The following PLCB1 variants were observed in gnomAD, a reference collection of about 807,000 sequenced individuals.
The protein encoded by PLCB1 is phospholipase C beta 1.
In PLCB1, 46 loss-of-function variants were observed where a neutral mutation model predicts 161.8. That is an observed-to-expected ratio of 0.28 (90% CI 0.22 to 0.36). PLCB1 has a LOEUF of 0.36. Ranked by LOEUF, PLCB1 falls within the 10% of genes least tolerant of loss-of-function variation. The probability of loss-of-function intolerance (pLI) is 1.00; values close to 1 mark genes in which losing one functional copy is unlikely to be tolerated. For synonymous variants in PLCB1, 517 were observed against 503.7 expected, an observed-to-expected ratio of 1.03 and a Z score of -0.35; for missense variants, 1,016 against 1,472.5, an observed-to-expected ratio of 0.69 and a Z score of 5.07.
In PLCB1 at chr20:8,632,044, T is replaced by TG. The variant is rs1555778240; in HGVS notation, c.384+3613_384+3614insG. Among the ~76,000 whole-genome samples the TG allele has an allele frequency of 1.7e-3, 125 of 74,254 alleles. 1 individual carries two copies. Among genetic ancestry groups the TG allele is most frequent in the Non-Finnish European group, 3.0e-3 (97 of 32,172 alleles). 48.7% of individuals were successfully genotyped at this position (74,254 alleles called of 152,430 possible). ...ATATGGGTTTTTTTTGCTTTTTTTT[T>TG]TTTTTTTTTTTTTTTTTTTTTTTGC... On this transcript the variant is annotated intron_variant, in intron 4 of 31. Transcript: ENST00000338037.
At chr20:8,355,795 G>A (rs1986345744) in intron 2 of PLCB1, among the ~76,000 whole-genome samples, 2 of 152,020 alleles carry the variant, frequency 1.3e-5, no homozygotes, top group African/African-American at 2.4e-5. Context: ...AGTATAATGG[G>A]GGCACTTAAC....
chr20:8,277,238 G>A (rs1359483423), intron 2 of PLCB1, among the ~76,000 whole-genome samples: 1 of 151,666 alleles, frequency 6.6e-6, no homozygotes, highest in Non-Finnish European at 1.5e-5. Context: ...TTGCACACAT[G>A]AAAATTATAT....
rs115119548 is a variant in PLCB1 at position 8,715,454 on chromosome 20, A to C, written c.1251-810A>C. 4.6e-3 allele frequency among the ~76,000 whole-genome samples: 694 copies of C among 152,174 alleles called. 6 individuals are homozygous for C. The highest frequency in any genetic ancestry group is 0.016 in the African/African-American group (646 of 41,506). ...CATTACTTCATTTCATCTTCTCAGCACCCTCTGTCCCTTTCCAAGAACGGT... is the reference window on the plus strand; with the variant it reads ...CATTACTTCATTTCATCTTCTCAGCCCCCTCTGTCCCTTTCCAAGAACGGT... On this transcript the variant is annotated intron_variant, in intron 12 of 31. Transcript: ENST00000338037.
At chr20:8,326,853 C>T (rs375226200) in intron 2 of PLCB1, among the ~76,000 whole-genome samples, 1 of 152,120 alleles carries the variant, frequency 6.6e-6, no homozygotes, top group East Asian at 1.9e-4. Flanking sequence ...GCTTTCACAG[C>T]GTCCAAATAA....
chr20:8,467,746 T>C (rs936396909), intron 3 of PLCB1, among the ~76,000 whole-genome samples: 13 of 152,134 alleles, frequency 8.5e-5, no homozygotes, highest in Admixed American at 2.6e-4. Flanking sequence ...TTCATCATCT[T>C]GGTTTTGGAT....
Position 8,390,034 on chromosome 20 carries a change from C to G in PLCB1, c.246+18584C>G, listed in dbSNP as rs139738350. 1.3e-3 allele frequency among the ~76,000 whole-genome samples: 201 copies of G among 152,190 alleles called. 1 individual carries two copies. Among genetic ancestry groups the G allele is most frequent in the African/African-American group, 4.7e-3 (194 of 41,518 alleles). On this transcript the variant is annotated intron_variant, in intron 3 of 31. Coordinates refer to ENST00000338037, the MANE Select transcript of PLCB1 (RefSeq NM_015192.4). The stretch of plus-strand genomic sequence containing the variant: ...CTACAAAATATGCTTGTCAAAAGGA[C>G]CACTTTTCAGTCAAGTTTTCCTTAA...
chr20:8,805,860 C>T (rs1984512318), intron 31 of PLCB1, among the ~76,000 whole-genome samples: 1 of 152,140 alleles, frequency 6.6e-6, no homozygotes, highest in African/African-American at 2.4e-5. Flanking sequence ...GGGTACAACA[C>T]CTGTGCCTCA....
chr20:8,376,749 A>G (rs1373765525), intron 3 of PLCB1, among the ~76,000 whole-genome samples: 1 of 152,054 alleles, frequency 6.6e-6, no homozygotes, highest in Non-Finnish European at 1.5e-5. Context: ...TAACACAGTG[A>G]AACCCCGTCT....
intron 2 of PLCB1, among the ~76,000 whole-genome samples, chr20:8,363,668 T>C (rs1184266210): frequency 6.6e-6 from 1 of 151,980 alleles, no homozygotes; most frequent in African/African-American, 2.4e-5. Context: ...CAGCTGCAGG[T>C]CCCTCTCACA....
chr20:8,555,927 T>G (rs1256308209), intron 3 of PLCB1, among the ~76,000 whole-genome samples: 1 of 152,096 alleles, frequency 6.6e-6, no homozygotes, highest in Admixed American at 6.6e-5. Flanking sequence ...AGACAAATTT[T>G]AAAATCGTTT....
intron 2 of PLCB1, among the ~76,000 whole-genome samples, chr20:8,199,745 A>G (rs1016574436): frequency 6.6e-6 from 1 of 152,172 alleles, no homozygotes; most frequent in Non-Finnish European, 1.5e-5. Context: ...AAATAATTAA[A>G]AATAAACTAC....
intron 31 of PLCB1, among the ~76,000 whole-genome samples, chr20:8,817,761 A>T (rs1294971784): frequency 6.6e-6 from 1 of 152,180 alleles, no homozygotes; most frequent in African/African-American, 2.4e-5. Context: ...AAGAGCAAAA[A>T]TAACAGACAG....
At chr20:8,609,265 A>G (rs1419744815) in intron 3 of PLCB1, among the ~76,000 whole-genome samples, 1 of 152,196 alleles carries the variant, frequency 6.6e-6, no homozygotes, top group African/African-American at 2.4e-5. Flanking sequence ...AACCTAATAG[A>G]TTGACTTATG....
intron 20 of PLCB1, 83 bp from the exon 21 acceptor site, chr20:8,739,178 G>C: frequency 4.5e-6 from 4 of 882,244 alleles, no homozygotes; most frequent in South Asian, 1.3e-5. Flanking sequence ...AGAAAAGCTA[G>C]TCCTGATTGA....
At chr20:8,716,410 G>A in intron 13 of PLCB1, 62 bp downstream of exon 13, 2 of 1,178,514 alleles carry the variant, frequency 1.7e-6, no homozygotes, top group South Asian at 1.3e-5. Context: ...TGAGGTTGAG[G>A]GAAAACTTAC....
chr20:8,255,262 A>G (rs927949025), intron 2 of PLCB1, among the ~76,000 whole-genome samples: 58 of 152,226 alleles, frequency 3.8e-4, no homozygotes, highest in African/African-American at 1.1e-3. Flanking sequence ...AGAAAATAGT[A>G]ATATCAGAGG....
intron 3 of PLCB1, among the ~76,000 whole-genome samples, chr20:8,395,537 T>C (rs1042920949): frequency 2.6e-5 from 4 of 152,042 alleles, no homozygotes; most frequent in African/African-American, 9.7e-5. Flanking sequence ...TATCTATACA[T>C]AATATTGAAA....
At chr20:8,354,114 C>A (rs1986283359) in intron 2 of PLCB1, among the ~76,000 whole-genome samples, 1 of 151,436 alleles carries the variant, frequency 6.6e-6, no homozygotes, top group South Asian at 2.1e-4. Flanking sequence ...TTAACATGTA[C>A]AGAATTTCTA....
chr20:8,833,213 C>T (rs1474319881), intron 31 of PLCB1, among the ~76,000 whole-genome samples: 1 of 152,144 alleles, frequency 6.6e-6, no homozygotes, highest in East Asian at 1.9e-4. Context: ...GTTTAATGGA[C>T]TCATAGTTCC....
Sources: allele counts gnomAD v4.1 joint callset (sites outside exome capture counted in the v4.1 genomes callset), GRCh38; gene constraint gnomAD v4.1.1; transcripts MANE v1.5; gene names NCBI Gene and HGNC (gene_info 2026-07-23, HGNC 2026-07-21).